The following IGSF11 variants were observed in gnomAD, a reference collection of about 807,000 sequenced individuals.
The protein encoded by IGSF11 is CXADR like 1.
Under a neutral mutation model 41.0 loss-of-function variants are expected in IGSF11, and 22 were observed. The observed-to-expected ratio is 0.54, with a 90% CI of 0.38 to 0.77. The LOEUF (loss-of-function observed/expected upper bound fraction) is 0.77, where lower values mean the gene tolerates loss of function less well. Ranked by LOEUF, IGSF11 falls within the 30% of genes least tolerant of loss-of-function variation. The pLI is 0.00. For synonymous variants in IGSF11, 219 were observed against 201.3 expected (o/e 1.09, Z -0.74); for missense variants, 444 against 530.8 (o/e 0.84, Z 1.61).
chr3:119,143,785 A>T (rs1245490316), intron 1 of IGSF11, among the ~76,000 whole-genome samples: 2 of 152,204 alleles, frequency 1.3e-5, no homozygotes, highest in Non-Finnish European at 2.9e-5. Flanking sequence ...CCATGCAAAT[A>T]ATAACCAAAA....
intron 1 of IGSF11, among the ~76,000 whole-genome samples, chr3:119,028,113 G>T (rs1403868685): frequency 6.6e-6 from 1 of 152,158 alleles, no homozygotes; most frequent in Non-Finnish European, 1.5e-5. Flanking sequence ...TGTTATTTAA[G>T]CCATCTTTAA....
intron 1 of IGSF11, among the ~76,000 whole-genome samples, chr3:119,075,544 T>C (rs1194322697): frequency 1.3e-5 from 2 of 152,058 alleles, no homozygotes; most frequent in African/African-American, 4.8e-5. Context: ...TTCAAGCCAA[T>C]ATCCCTCATA....
At chr3:119,058,717 A>G (rs1206783764) in intron 1 of IGSF11, among the ~76,000 whole-genome samples, 2 of 152,332 alleles carry the variant, frequency 1.3e-5, no homozygotes, top group African/African-American at 2.4e-5. Flanking sequence ...AAGACTTGGA[A>G]CCAACCCAAA....
exon 1 of IGSF11, chr3:119,146,015 C>A: frequency 3.3e-6 from 2 of 598,834 alleles, no homozygotes; most frequent in South Asian, 2.1e-5. Context: ...GCAGGGTCAG[C>A]TGACTGCCGT....
chr3:119,107,985 C>T (rs1465087537), upstream of IGSF11, among the ~76,000 whole-genome samples: 1 of 151,084 alleles, frequency 6.6e-6, no homozygotes, highest in East Asian at 1.9e-4. Flanking sequence ...GTTTTGGTTA[C>T]TGTAGCCTTG....
intron 1 of IGSF11, among the ~76,000 whole-genome samples, chr3:119,048,615 GA>G (rs1941474822): frequency 5.3e-5 from 8 of 151,844 alleles, no homozygotes; most frequent in Admixed American, 5.2e-4. Flanking sequence ...CCAATCAATA[GA>G]AAAAGAAGGA....
chr3:119,004,375 A>C (rs896224066), intron 1 of IGSF11, among the ~76,000 whole-genome samples: 3 of 151,118 alleles, frequency 2.0e-5, no homozygotes, highest in South Asian at 2.1e-4. Flanking sequence ...TAGTCTTGCT[A>C]GCGGTCTATC....
intron 1 of IGSF11, among the ~76,000 whole-genome samples, chr3:119,111,360 C>T (rs2077155840): frequency 3.3e-5 from 5 of 152,168 alleles, no homozygotes; most frequent in Admixed American, 2.0e-4. Flanking sequence ...ATCACTGATA[C>T]CCTTTCTTCC....
At chr3:118,907,423 G>C (rs1305973153) in intron 4 of IGSF11, among the ~76,000 whole-genome samples, 2 of 152,106 alleles carry the variant, frequency 1.3e-5, no homozygotes, top group African/African-American at 2.4e-5. Flanking sequence ...TACAATATAT[G>C]GAATAAGTGC....
At chr3:118,958,409 T>G (rs888333081) in intron 1 of IGSF11, among the ~76,000 whole-genome samples, 5 of 152,210 alleles carry the variant, frequency 3.3e-5, no homozygotes, top group African/African-American at 1.2e-4. Context: ...TGTAACTAAA[T>G]TTGTTAATTT....
chr3:119,015,241 G>A (rs1044113507), intron 1 of IGSF11, among the ~76,000 whole-genome samples: 1 of 152,082 alleles, frequency 6.6e-6, no homozygotes, highest in Non-Finnish European at 1.5e-5. Flanking sequence ...AGGAAACATT[G>A]GCCAATGATT....
chr3:119,111,912 C>T (rs541279667), intron 1 of IGSF11, among the ~76,000 whole-genome samples: 9 of 152,312 alleles, frequency 5.9e-5, no homozygotes, highest in East Asian at 5.8e-4. Flanking sequence ...AGCGGATTTT[C>T]GTGAACCACG....
At chr3:118,989,368 T>C (rs74394836) in intron 1 of IGSF11, among the ~76,000 whole-genome samples, 2 of 151,530 alleles carry the variant, frequency 1.3e-5, no homozygotes, top group Non-Finnish European at 2.9e-5. Flanking sequence ...TTTTTTTTTT[T>C]TTGAGACTGA....
chr3:118,966,803 C>A (rs906536838), intron 1 of IGSF11, among the ~76,000 whole-genome samples: 2 of 152,140 alleles, frequency 1.3e-5, no homozygotes. Flanking sequence ...CTAGTTTATC[C>A]TTTCACAAAC....
At chr3:118,992,777 G>C (rs1385964950) in intron 1 of IGSF11, among the ~76,000 whole-genome samples, 2 of 152,110 alleles carry the variant, frequency 1.3e-5, no homozygotes, top group Non-Finnish European at 2.9e-5. Context: ...AAAAGCACAA[G>C]TGATAAAAGA....
At chr3:118,999,242 G>A (rs1014430817) in intron 1 of IGSF11, among the ~76,000 whole-genome samples, 1 of 151,908 alleles carries the variant, frequency 6.6e-6, no homozygotes, top group African/African-American at 2.4e-5. Flanking sequence ...TATTAGCTAA[G>A]AAAGAAATGG....
chr3:118,903,580 T>C (rs1376091770), intron 6 of IGSF11, among the ~76,000 whole-genome samples: 1 of 152,188 alleles, frequency 6.6e-6, no homozygotes, highest in African/African-American at 2.4e-5. Flanking sequence ...TTTTCCTCAG[T>C]AATCTTATCC....
At chr3:119,128,871 T>C (rs1180584459) in intron 1 of IGSF11, among the ~76,000 whole-genome samples, 1 of 152,186 alleles carries the variant, frequency 6.6e-6, no homozygotes, top group Non-Finnish European at 1.5e-5. Flanking sequence ...ACATGTATTT[T>C]TATTGCACCA....
chr3:119,060,720 G>C (rs1942026697), intron 1 of IGSF11, among the ~76,000 whole-genome samples: 1 of 152,176 alleles, frequency 6.6e-6, no homozygotes, highest in African/African-American at 2.4e-5. Context: ...TCTATGGCCA[G>C]TGTTCTTTCC....
Sources: gnomAD v4.1 joint callset for allele counts (sites outside exome capture counted in the v4.1 genomes callset) on GRCh38, gnomAD v4.1.1 for gene constraint, MANE v1.5 for transcripts, NCBI Gene and HGNC (gene_info 2026-07-23, HGNC 2026-07-21) for gene names.